The following RAPGEF1 variants were observed in gnomAD, a reference collection of about 807,000 sequenced individuals.
RAPGEF1 encodes Rap guanine nucleotide exchange factor 1.
In RAPGEF1, 33 loss-of-function variants were observed where a neutral mutation model predicts 143.3. The observed-to-expected ratio is 0.23, with a 90% CI of 0.17 to 0.31. RAPGEF1 has a LOEUF of 0.31. Ranked by LOEUF, RAPGEF1 falls within the 10% of genes least tolerant of loss-of-function variation. The pLI, the probability that RAPGEF1 is intolerant of heterozygous loss-of-function variation, is 1.00. For missense variants in RAPGEF1, 1,199 were observed against 1,645.4 expected (o/e 0.73, Z 4.69); for synonymous variants, 629 against 676.5 (o/e 0.93, Z 1.09).
intron 12 of RAPGEF1, among the ~76,000 whole-genome samples, chr9:131,608,030 T>G (rs1041732476): frequency 6.6e-6 from 1 of 152,232 alleles, no homozygotes; most frequent in Non-Finnish European, 1.5e-5. Context: ...AGCGGCTGAC[T>G]GCAAGGTCTC....
At position 131,582,641 on chromosome 9, in the gene RAPGEF1, G is replaced by A; in HGVS notation, c.3476C>T (p.Ala1159Val). The A allele has an allele frequency of 6.5e-7, 1 of 1,534,606 alleles. No individual in the cohort carries two copies. Among genetic ancestry groups the A allele is most frequent in the Non-Finnish European group, 8.7e-7 (1 of 1,150,866 alleles). ...GCACGGCGGTTCCACCTCCGAGAGG[G>A]CGGCCCGGTAGGCTCGGAAGGAGGA... Reference protein sequence around the residue: ...SSSSFRAYRAALSEVEPPCIP... With the variant: ...SSSSFRAYRAVLSEVEPPCIP... The change falls in exon 25 of 27, where the codon GCC becomes GTC. Residue 1159 changes from alanine (A) to valine (V), a missense_variant. Physicochemically the swap from Ala to Val is moderately conservative, Grantham distance 64. This residue lies in a region of RAPGEF1 where 209 missense variants were observed against 403.0 expected (regional missense o/e 0.52). Transcript: ENST00000683357.
intron 1 of RAPGEF1, among the ~76,000 whole-genome samples, chr9:131,734,364 T>C (rs1837283888): frequency 6.6e-6 from 1 of 152,140 alleles, no homozygotes; most frequent in South Asian, 2.1e-4. Context: ...TGAAATGAGG[T>C]AGTCTATAAA....
intron 1 of RAPGEF1, chr9:131,710,023 A>C: frequency 1.2e-6 from 1 of 846,036 alleles, no homozygotes; most frequent in Non-Finnish European, 1.4e-6. Context: ...TTGCAAGATG[A>C]ATTTTATGTC....
At chr9:131,597,636 C>T (rs553036926) in intron 16 of RAPGEF1, among the ~76,000 whole-genome samples, 1 of 152,340 alleles carries the variant, frequency 6.6e-6, no homozygotes, top group Admixed American at 6.5e-5. Context: ...TCTCCACTCT[C>T]ACAGGTTTGG....
chr9:131,738,938 T>G (rs1216858700), intron 1 of RAPGEF1, among the ~76,000 whole-genome samples: 10 of 152,194 alleles, frequency 6.6e-5, no homozygotes, highest in African/African-American at 2.2e-4. Flanking sequence ...CTACCGGGGT[T>G]ATGACCACAG....
chr9:131,716,602 C>T (rs1835881088), intron 1 of RAPGEF1, among the ~76,000 whole-genome samples: 1 of 151,846 alleles, frequency 6.6e-6, no homozygotes, highest in South Asian at 2.1e-4. Context: ...CCTGTCTCTA[C>T]AAAAAAAGGA....
chr9:131,627,466 G>A (rs1469744850), intron 9 of RAPGEF1, among the ~76,000 whole-genome samples: 1 of 152,006 alleles, frequency 6.6e-6, no homozygotes, highest in Non-Finnish European at 1.5e-5. Context: ...TGCTCTCTAA[G>A]CCCCCTGCCC....
At chr9:131,648,260 G>A (rs1970192282) in intron 3 of RAPGEF1, among the ~76,000 whole-genome samples, 1 of 152,140 alleles carries the variant, frequency 6.6e-6, no homozygotes, top group Non-Finnish European at 1.5e-5. Context: ...GCGTGGTAGA[G>A]GACGCCTGTA....
At chr9:131,684,193 G>T (rs1455554475) in intron 1 of RAPGEF1, among the ~76,000 whole-genome samples, 1 of 152,214 alleles carries the variant, frequency 6.6e-6, no homozygotes, top group African/African-American at 2.4e-5. Context: ...GAACCTAACT[G>T]TCTTTGGCAA....
At chr9:131,717,640 G>T (rs544569955) in intron 1 of RAPGEF1, among the ~76,000 whole-genome samples, 1 of 151,968 alleles carries the variant, frequency 6.6e-6, no homozygotes, top group South Asian at 2.1e-4. Context: ...AGGCATGGTG[G>T]TGCATGCCTG....
At chr9:131,652,237 TA>T (rs59981495) in intron 1 of RAPGEF1, among the ~76,000 whole-genome samples, 11 of 151,904 alleles carry the variant, frequency 7.2e-5, no homozygotes, top group African/African-American at 1.7e-4. Flanking sequence ...ACTTTTAATT[TA>T]AAAAAAACAT....
intron 1 of RAPGEF1, among the ~76,000 whole-genome samples, chr9:131,692,899 C>T (rs185118903): frequency 6.6e-5 from 10 of 152,220 alleles, no homozygotes; most frequent in Admixed American, 2.0e-4. Flanking sequence ...ATGGATAAAC[C>T]GAACAAACAG....
At chr9:131,617,641 T>C (rs976220673) in intron 12 of RAPGEF1, among the ~76,000 whole-genome samples, 2 of 152,236 alleles carry the variant, frequency 1.3e-5, no homozygotes, top group African/African-American at 2.4e-5. Context: ...AGAACTCTTA[T>C]TACTAAGACA....
rs1160593905 is a variant in RAPGEF1 at position 131,605,075 on chromosome 9, G to A, written c.2175C>T (p.His725=). 2.9e-6 allele frequency: 4 copies of A among 1,365,564 alleles called. No individual in the cohort carries two copies. Among genetic ancestry groups the A allele is most frequent in the Middle Eastern group, 2.1e-4 (1 of 4,766 alleles). The allele number at this position is 1,365,564 out of a possible 1,614,324, so 84.6% of individuals were successfully genotyped here. The part of the protein sequence containing the change: ...SSSSPHFPPA[H]QSQSSDLAVP... ...CGGCTAAGTCAGAGCTCTGAGACTG[G>A]TGGGCAGGTGGGAAATGTGGAGAGG... is the stretch of plus-strand genomic sequence containing the variant. Residue 725 remains histidine (H), a synonymous_variant, in exon 13 of 27, where the codon CAC becomes CAT. Coordinates refer to ENST00000683357, the MANE Select transcript of RAPGEF1 (RefSeq NM_001377935.1).
chr9:131,726,957 T>C (rs1422496929), intron 1 of RAPGEF1, among the ~76,000 whole-genome samples: 1 of 152,078 alleles, frequency 6.6e-6, no homozygotes, highest in Non-Finnish European at 1.5e-5. Context: ...TGAGCCACGA[T>C]GGTACCACTG....
Position 131,643,437 on chromosome 9 carries a change from A to G in RAPGEF1, c.316-20T>C. On this transcript the variant is annotated intron_variant, in intron 3 of 26. Coordinates refer to ENST00000683357, the MANE Select transcript of RAPGEF1 (RefSeq NM_001377935.1). ...CAGGTTCTGAAAGGAGACGTTAGGC[A>G]TAAGGAGGAGGAGAGAGATTAAAGG... The G allele has an allele frequency of 6.2e-7, 1 of 1,605,290 alleles. No homozygotes were observed. Among genetic ancestry groups the G allele is most frequent in the Non-Finnish European group, 8.5e-7 (1 of 1,175,998 alleles).
At chr9:131,581,834 T>A (rs1209603083) in intron 25 of RAPGEF1, among the ~76,000 whole-genome samples, 2 of 152,142 alleles carry the variant, frequency 1.3e-5, no homozygotes, top group Non-Finnish European at 2.9e-5. Context: ...AGGGAGCAGA[T>A]GTAGAGCCAC....
intron 11 of RAPGEF1, among the ~76,000 whole-genome samples, chr9:131,620,598 T>C (rs1200773824): frequency 6.6e-6 from 1 of 152,088 alleles, no homozygotes; most frequent in South Asian, 2.1e-4. Context: ...GGCTAACAAG[T>C]GGCAGGACTG....
rs555639922 is a variant in RAPGEF1, at chr9:131,735,984, C to A, written c.61+3786G>T. ...TCCAGCCCGCAGCTGCCAGTCTGTGCTTAAGCTCCAAAAACATGACGGTAT... is the reference window on the plus strand; with the variant it reads ...TCCAGCCCGCAGCTGCCAGTCTGTGATTAAGCTCCAAAAACATGACGGTAT... On this transcript the variant is annotated intron_variant, in intron 1 of 26. Coordinates refer to ENST00000683357, the MANE Select transcript of RAPGEF1 (RefSeq NM_001377935.1). Among the ~76,000 whole-genome samples the A allele has an allele frequency of 3.9e-5, 6 of 152,312 alleles. No homozygotes were observed. In the South Asian group the frequency reaches 1.2e-3, roughly 32 times the overall value.
Sources: allele counts gnomAD v4.1 joint callset (sites outside exome capture counted in the v4.1 genomes callset), GRCh38; gene constraint gnomAD v4.1.1; regional missense constraint gnomAD v4.1.1; transcripts MANE v1.5; gene names NCBI Gene and HGNC (gene_info 2026-07-23, HGNC 2026-07-21).